SNRNP40: variants seen among roughly 807,000 people sequenced by gnomAD.
SNRNP40 encodes the protein small nuclear ribonucleoprotein U5 subunit 40.
Under a neutral mutation model 45.8 loss-of-function variants are expected in SNRNP40, and 21 were observed. That is an observed-to-expected ratio of 0.46 (90% CI 0.32 to 0.66). The LOEUF (loss-of-function observed/expected upper bound fraction) is 0.66, where lower values mean the gene tolerates loss of function less well. Ranked by LOEUF, SNRNP40 falls within the 30% of genes least tolerant of loss-of-function variation. The pLI is 0.03. For synonymous variants in SNRNP40, 142 were observed against 163.8 expected, an observed-to-expected ratio of 0.87 and a Z score of 1.01; for missense variants, 344 against 439.1, an observed-to-expected ratio of 0.78 and a Z score of 1.94.
chr1:31,276,747 A>C (rs1239608635), intron 5 of SNRNP40, among the ~76,000 whole-genome samples: 1 of 151,790 alleles, frequency 6.6e-6, no homozygotes, highest in African/African-American at 2.4e-5. Flanking sequence ...AAACGAACCA[A>C]ACTGGCCAGG....
chr1:31,281,304 G>A (rs532783207), intron 5 of SNRNP40, 70 bp downstream of exon 5: 11 of 1,372,210 alleles, frequency 8.0e-6, no homozygotes, highest in Non-Finnish European at 1.1e-5. Flanking sequence ...CACAATCTCA[G>A]AAGTTTGAAA....
At chr1:31,275,057 TG>T (rs1252700743) in intron 5 of SNRNP40, among the ~76,000 whole-genome samples, 3 of 151,796 alleles carry the variant, frequency 2.0e-5, no homozygotes, top group Non-Finnish European at 4.4e-5. Flanking sequence ...GCTTAAAAGG[TG>T]CTTGTTAATT....
At position 31,269,380 on chromosome 1, in the gene SNRNP40, T is replaced by A. The variant is rs1052885074; in HGVS notation, c.776-140A>T. On this transcript the variant is annotated intron_variant, in intron 6 of 9. Coordinates refer to ENST00000263694, the MANE Select transcript of SNRNP40 (RefSeq NM_004814.3). ...GTGGGCAAAGTCCAACTTGACATAC[T>A]GCTACCTGTTAAGGCTCTTTTCTTT... The A allele has an allele frequency of 1.6e-5, 24 of 1,465,116 alleles. No homozygotes were observed. In the African/African-American group the frequency reaches 3.3e-4, roughly 20 times the overall value. 90.8% of individuals were successfully genotyped at this position (1,465,116 alleles called of 1,614,324 possible).
chr1:31,291,074 C>T (rs778239086), intron 3 of SNRNP40, among the ~76,000 whole-genome samples: 6 of 150,396 alleles, frequency 4.0e-5, no homozygotes, highest in South Asian at 2.1e-4. Context: ...GGATCACCTG[C>T]GGTTGGGAGT....
chr1:31,290,655 A>G (rs1158765765), intron 3 of SNRNP40, among the ~76,000 whole-genome samples: 3 of 152,188 alleles, frequency 2.0e-5, no homozygotes, highest in African/African-American at 7.2e-5. Context: ...AGGCGGGCGG[A>G]TCACAAGGTC....
At chr1:31,262,544 AGAGG>A (rs1274039490) in intron 8 of SNRNP40, among the ~76,000 whole-genome samples, 22 of 57,400 alleles carry the variant, frequency 3.8e-4, no homozygotes, top group Non-Finnish European at 9.2e-4. Context: ...AAAAAAAAAA[AGAGG>A]AGAAAAAAGA....
At chr1:31,274,734 C>T (rs1645963677) in intron 5 of SNRNP40, among the ~76,000 whole-genome samples, 1 of 151,322 alleles carries the variant, frequency 6.6e-6, no homozygotes, top group Non-Finnish European at 1.5e-5. Flanking sequence ...GCCAGACCAT[C>T]AGGCTCTCAA....
At chr1:31,261,244 G>A (rs1294931087) in intron 9 of SNRNP40, 2 of 403,506 alleles carry the variant, frequency 5.0e-6, no homozygotes, top group East Asian at 5.6e-5. Flanking sequence ...CCAGCTGCTT[G>A]GGAGGCTGAG....
At chr1:31,276,378 A>C (rs948022573) in intron 5 of SNRNP40, among the ~76,000 whole-genome samples, 2 of 152,170 alleles carry the variant, frequency 1.3e-5, no homozygotes, top group African/African-American at 4.8e-5. Flanking sequence ...CTCAAAATAA[A>C]GCAAAAAAAT....
chr1:31,292,134 G>A (rs752972617), intron 2 of SNRNP40, 128 bp from the exon 3 acceptor site: 11 of 522,910 alleles, frequency 2.1e-5, no homozygotes, highest in Non-Finnish European at 3.2e-5. Flanking sequence ...AGGCCGAGAC[G>A]GGTGGATCAC....
intron 4 of SNRNP40, among the ~76,000 whole-genome samples, chr1:31,283,897 A>G (rs1228238318): frequency 6.6e-6 from 1 of 152,196 alleles, no homozygotes; most frequent in African/African-American, 2.4e-5. Context: ...TTCAACATGG[A>G]TCAAGGACCT....
chr1:31,260,983 T>C lies in SNRNP40; in HGVS notation c.1024+546A>G, dbSNP rs116965476. The C allele has an allele frequency of 2.4e-3, 2,933 of 1,202,480 alleles. 187 individuals carry two copies. The East Asian group carries it at 0.14, about 59-fold the overall frequency. The allele number at this position is 1,202,480 out of a possible 1,614,324, so 74.5% of individuals were successfully genotyped here. A position where few individuals can be genotyped will look rare whatever the true frequency, so the allele number is the denominator to read the frequency against. ...CTTCCCTTTGAGATCAAGAAGAAAA[T>C]GGAGCATTGCTCTTACTCTCACCAC... On this transcript the variant is annotated intron_variant, in intron 9 of 9. Coordinates refer to ENST00000263694, the MANE Select transcript of SNRNP40 (RefSeq NM_004814.3).
intron 5 of SNRNP40, among the ~76,000 whole-genome samples, chr1:31,275,682 GC>G (rs1645969594): frequency 6.6e-6 from 1 of 152,192 alleles, no homozygotes; most frequent in Non-Finnish European, 1.5e-5. Flanking sequence ...GAGCCACAGT[GC>G]CTGGCCATCA....
intron 8 of SNRNP40, among the ~76,000 whole-genome samples, chr1:31,265,270 G>A (rs1645888161): frequency 1.3e-5 from 2 of 151,974 alleles, no homozygotes; most frequent in South Asian, 4.2e-4. Flanking sequence ...GACTACAGGT[G>A]CACACTACTA....
intron 6 of SNRNP40, chr1:31,269,487 G>A: frequency 1.1e-6 from 1 of 898,984 alleles, no homozygotes; most frequent in Non-Finnish European, 1.5e-6. Context: ...ACACAATGTT[G>A]GTAATTTGCA....
At position 31,292,011 on chromosome 1, in the gene SNRNP40, T is replaced by C. The variant is rs377733472; in HGVS notation, c.272-5A>G. The C allele has an allele frequency of 1.3e-4, 211 of 1,578,582 alleles. No homozygotes were observed. The African/African-American group carries it at 2.3e-3, about 17-fold the overall frequency. On this transcript the variant is annotated splice_region_variant and splice_polypyrimidine_tract_variant and intron_variant, in intron 2 of 9. Transcript: ENST00000263694. ...CACCATAGACATTCCACAGTACTGT[T>C]AGGGAGATGGGTTCTGTGAGCATTA...
intron 5 of SNRNP40, among the ~76,000 whole-genome samples, chr1:31,277,214 A>G (rs1645981754): frequency 6.6e-6 from 1 of 152,164 alleles, no homozygotes; most frequent in Non-Finnish European, 1.5e-5. Flanking sequence ...AAAAAGCATC[A>G]TCTAAAGAAT....
At chr1:31,292,559 C>A (rs1236186363) in intron 2 of SNRNP40, among the ~76,000 whole-genome samples, 1 of 152,072 alleles carries the variant, frequency 6.6e-6, no homozygotes, top group Admixed American at 6.6e-5. Flanking sequence ...CACCCGGCAC[C>A]GAGGAAAAGA....
chr1:31,262,314 G>C (rs1645864157), intron 8 of SNRNP40, among the ~76,000 whole-genome samples: 1 of 151,930 alleles, frequency 6.6e-6, no homozygotes, highest in Admixed American at 6.6e-5. Flanking sequence ...TAGGTCTGGA[G>C]TTTGAGACCA....
Sources: allele counts gnomAD v4.1 joint callset (sites outside exome capture counted in the v4.1 genomes callset), GRCh38; gene constraint gnomAD v4.1.1; transcripts MANE v1.5; gene names NCBI Gene and HGNC (gene_info 2026-07-23, HGNC 2026-07-21).